SLC16A7: variants seen among roughly 807,000 people sequenced by gnomAD.
The protein encoded by SLC16A7 is solute carrier family 16 member 7.
In SLC16A7, 33 loss-of-function variants were observed where a neutral mutation model predicts 34.9. The ratio of observed to expected loss-of-function variants is 0.94; its 90% CI spans 0.72 to 1.26. The LOEUF (loss-of-function observed/expected upper bound fraction) is 1.26. Ranked by LOEUF, SLC16A7 falls within the 50% of genes most tolerant of loss-of-function variation. The pLI, the probability that SLC16A7 is intolerant of heterozygous loss-of-function variation, is 0.00. For missense variants in SLC16A7, 573 were observed against 578.1 expected (o/e 0.99, Z 0.09); for synonymous variants, 201 against 206.6 (o/e 0.97, Z 0.23).
chr12:59,718,788 A>G lies in SLC16A7; in HGVS notation c.217+13770A>G, dbSNP rs74524743. Among the ~76,000 whole-genome samples the G allele has an allele frequency of 0.011, 1,704 of 152,282 alleles. 112 individuals are homozygous for G. The East Asian group carries it at 0.18, about 16-fold the overall frequency. On this transcript the variant is annotated intron_variant, in intron 3 of 5. Transcript: ENST00000547379. ...AAGAAGGAAATAAGTATCACATGATAATGCCTGCTTTGCCTTATATTTCAA... is the reference window on the plus strand; with the variant it reads ...AAGAAGGAAATAAGTATCACATGATGATGCCTGCTTTGCCTTATATTTCAA...
At chr12:59,756,684 G>A (rs1880393898) in intron 3 of SLC16A7, among the ~76,000 whole-genome samples, 1 of 140,992 alleles carries the variant, frequency 7.1e-6, no homozygotes, top group African/African-American at 2.8e-5. Flanking sequence ...CAACCATTGT[G>A]GAAGACAGTG....
intron 2 of SLC16A7, among the ~76,000 whole-genome samples, chr12:59,655,477 C>T (rs1453681216): frequency 6.6e-6 from 1 of 151,686 alleles, no homozygotes; most frequent in Admixed American, 6.6e-5. Flanking sequence ...CTCAGTTTCT[C>T]TGTATATAAA....
intron 1 of SLC16A7, among the ~76,000 whole-genome samples, chr12:59,613,044 G>A (rs1246577625): frequency 1.3e-5 from 2 of 152,184 alleles, no homozygotes; most frequent in African/African-American, 4.8e-5. Flanking sequence ...CCAATTTACT[G>A]TATTAATATG....
intron 1 of SLC16A7, among the ~76,000 whole-genome samples, chr12:59,626,381 T>G (rs923584315): frequency 1.3e-5 from 2 of 151,802 alleles, no homozygotes; most frequent in African/African-American, 2.4e-5. Flanking sequence ...CAAAAATGTA[T>G]AAATAAAACG....
intron 2 of SLC16A7, among the ~76,000 whole-genome samples, chr12:59,672,282 G>A (rs1234187617): frequency 6.8e-6 from 1 of 146,382 alleles, no homozygotes; most frequent in East Asian, 2.0e-4. Flanking sequence ...ATATATATGT[G>A]TATATATATG....
At chr12:59,633,105 CT>C (rs1449218010) in intron 1 of SLC16A7, among the ~76,000 whole-genome samples, 1 of 151,906 alleles carries the variant, frequency 6.6e-6, no homozygotes, top group Non-Finnish European at 1.5e-5. Context: ...TTTTCTGATC[CT>C]TGTAAAAATT....
intron 1 of SLC16A7, among the ~76,000 whole-genome samples, chr12:59,638,343 A>G (rs886166598): frequency 6.6e-6 from 1 of 152,112 alleles, no homozygotes; most frequent in Non-Finnish European, 1.5e-5. Flanking sequence ...GCTTTAGAGA[A>G]GAGGGGTTCT....
At chr12:59,615,099 C>T (rs769261361) in intron 1 of SLC16A7, among the ~76,000 whole-genome samples, 14 of 152,142 alleles carry the variant, frequency 9.2e-5, no homozygotes, top group South Asian at 2.1e-4. Context: ...CATTTCAGGA[C>T]GCAATGTTTC....
At chr12:59,717,490 C>T (rs564837747) in intron 3 of SLC16A7, among the ~76,000 whole-genome samples, 6 of 152,284 alleles carry the variant, frequency 3.9e-5, no homozygotes, top group East Asian at 1.9e-4. Context: ...CTGCTTCTCA[C>T]GAGAAATATT....
At chr12:59,611,028 A>G (rs976717580) in intron 1 of SLC16A7, among the ~76,000 whole-genome samples, 14 of 152,164 alleles carry the variant, frequency 9.2e-5, no homozygotes, top group Admixed American at 5.9e-4. Flanking sequence ...GCAGTGTTAT[A>G]CCTGTGTGCT....
At chr12:59,648,170 A>G (rs1020893961) in intron 1 of SLC16A7, among the ~76,000 whole-genome samples, 31 of 152,176 alleles carry the variant, frequency 2.0e-4, no homozygotes, top group African/African-American at 6.8e-4. Flanking sequence ...GGAGAGGAAG[A>G]TACCAAGATA....
Position 59,781,602 on chromosome 12 carries a change from G to C in SLC16A7, c.*1923G>C, listed in dbSNP as rs961052904. The C allele has an allele frequency of 6.6e-6, 1 of 152,528 alleles. No homozygotes were observed. The highest frequency in any genetic ancestry group is 2.4e-5 in the African/African-American group (1 of 41,418). The allele number at this position is 152,528 out of a possible 1,614,324, so 9.4% of individuals were successfully genotyped here. ...AAAACAAGATGTGCCAATATCATAG[G>C]TAAATAAATTAGGGAAAATGTGGGA... is the stretch of plus-strand genomic sequence containing the variant. On this transcript the variant is annotated 3_prime_UTR_variant, in exon 6 of 6. Coordinates refer to ENST00000547379, the MANE Select transcript of SLC16A7 (RefSeq NM_001270623.2).
chr12:59,685,821 A>G (rs17122858), intron 2 of SLC16A7, among the ~76,000 whole-genome samples: 15 of 152,252 alleles, frequency 9.9e-5, no homozygotes, highest in Admixed American at 3.9e-4. Flanking sequence ...TACCAGTTTT[A>G]TAGGAACATA....
chr12:59,775,266 A>C lies in SLC16A7; in HGVS notation c.971A>C (p.Asn324Thr). 7 of 1,614,158 alleles carry C rather than the reference A, an allele frequency of 4.3e-6. No homozygotes were observed. The South Asian group carries it at 6.6e-5, about 15-fold the overall frequency. The change falls in exon 5 of 6, where the codon AAT becomes ACT. Residue 324 changes from asparagine (N) to threonine (T), a missense_variant. Asn to Thr is a moderately conservative substitution (Grantham distance 65). Coordinates refer to ENST00000547379, the MANE Select transcript of SLC16A7 (RefSeq NM_001270623.2). ...QYFFSFAIMFNGVCHLLCPLA... is the reference protein window; with the variant it reads ...QYFFSFAIMFTGVCHLLCPLA... Reference sequence around the variant, plus strand: ...TTCTTCAGTTTTGCAATCATGTTCAATGGAGTGTGTCACCTCTTGTGCCCA... The same window carrying C: ...TTCTTCAGTTTTGCAATCATGTTCACTGGAGTGTGTCACCTCTTGTGCCCA...
intron 3 of SLC16A7, among the ~76,000 whole-genome samples, chr12:59,755,059 A>C (rs373610388): frequency 4.6e-5 from 7 of 152,128 alleles, no homozygotes; most frequent in Non-Finnish European, 7.4e-5. Flanking sequence ...ATTCAACAAC[A>C]CTTCATGCTA....
At chr12:59,776,781 T>C (rs1209439430) in intron 5 of SLC16A7, among the ~76,000 whole-genome samples, 1 of 152,168 alleles carries the variant, frequency 6.6e-6, no homozygotes, top group African/African-American at 2.4e-5. Context: ...TATCCTATGG[T>C]ATCTAGCACA....
At chr12:59,732,777 G>T (rs1406490811) in intron 3 of SLC16A7, among the ~76,000 whole-genome samples, 4 of 152,166 alleles carry the variant, frequency 2.6e-5, no homozygotes, top group Non-Finnish European at 5.9e-5. Flanking sequence ...TAAATTGACA[G>T]CTTTCTTGAG....
chr12:59,694,617 T>C (rs1022160033), intron 2 of SLC16A7, among the ~76,000 whole-genome samples: 1 of 151,968 alleles, frequency 6.6e-6, no homozygotes, highest in African/African-American at 2.4e-5. Flanking sequence ...GTACAGTAGA[T>C]CTCTAAGATC....
At chr12:59,640,915 A>T (rs181775681) in intron 1 of SLC16A7, among the ~76,000 whole-genome samples, 1 of 152,248 alleles carries the variant, frequency 6.6e-6, no homozygotes, top group East Asian at 1.9e-4. Flanking sequence ...TGCATGTATG[A>T]AAAAATGACT....
Sources: gnomAD v4.1 joint callset for allele counts (sites outside exome capture counted in the v4.1 genomes callset) on GRCh38, gnomAD v4.1.1 for gene constraint, MANE v1.5 for transcripts, NCBI Gene and HGNC (gene_info 2026-07-23, HGNC 2026-07-21) for gene names.